NDUFA5: variants seen among roughly 807,000 people sequenced by gnomAD.
The protein encoded by NDUFA5 is NADH dehydrogenase [ubiquinone] 1 alpha subcomplex subunit 5.
In NDUFA5, 11 loss-of-function variants were observed where a neutral mutation model predicts 19.8. That is an observed-to-expected ratio of 0.56 (90% CI 0.35 to 0.92). The LOEUF is 0.92. NDUFA5 is among the 40% of genes least tolerant of loss of function. The pLI is 0.01. For synonymous variants in NDUFA5, 47 were observed against 46.8 expected (o/e 1.00, Z -0.01); for missense variants, 109 against 134.2 (o/e 0.81, Z 0.93).
chr7:123,587,657 A>G, the NDUFA5 span, among the ~76,000 whole-genome samples: 3,284 of 151,678 alleles, frequency 0.022, 48 homozygotes, highest in Non-Finnish European at 0.034. Context: ...TTTCACCTGT[A>G]TGTTCACTGT....
the NDUFA5 span, among the ~76,000 whole-genome samples, chr7:123,564,892 GACAC>G: frequency 5.6e-4 from 83 of 147,680 alleles, no homozygotes; most frequent in East Asian, 1.6e-3. Context: ...GAAGCATCTG[GACAC>G]ACACACACAC....
the NDUFA5 span, among the ~76,000 whole-genome samples, chr7:123,591,416 G>A: frequency 6.6e-6 from 1 of 152,098 alleles, no homozygotes; most frequent in South Asian, 2.1e-4. Flanking sequence ...TGCCCACTTA[G>A]TAACATATTG....
At chr7:123,564,941 A>T in the NDUFA5 span, among the ~76,000 whole-genome samples, 10 of 151,782 alleles carry the variant, frequency 6.6e-5, no homozygotes, top group Non-Finnish European at 1.2e-4. Flanking sequence ...ACATACACAC[A>T]CAAGTACATA....
chr7:123,596,930 G>A, the NDUFA5 span, among the ~76,000 whole-genome samples: 12 of 152,082 alleles, frequency 7.9e-5, no homozygotes, highest in Non-Finnish European at 1.5e-4. Flanking sequence ...ATTATAATTA[G>A]GCTTGGTTTA....
chr7:123,547,930 C>T (rs1353972309), intron 3 of NDUFA5, among the ~76,000 whole-genome samples: 1 of 151,870 alleles, frequency 6.6e-6, no homozygotes, highest in Non-Finnish European at 1.5e-5. Flanking sequence ...AAAAAGTGTT[C>T]GAGGTGGGTA....
At chr7:123,576,651 A>C in the NDUFA5 span, among the ~76,000 whole-genome samples, 1 of 152,124 alleles carries the variant, frequency 6.6e-6, no homozygotes, top group African/African-American at 2.4e-5. Flanking sequence ...AGATCCAAGA[A>C]GACTTGTACC....
chr7:123,576,847 A>G, the NDUFA5 span, among the ~76,000 whole-genome samples: 3 of 152,170 alleles, frequency 2.0e-5, no homozygotes, highest in Admixed American at 6.6e-5. Context: ...CATTTCTTGC[A>G]GGGTCTGCTG....
chr7:123,538,010 C>T lies in NDUFA5; in HGVS notation c.*4109G>A, dbSNP rs1056702069. The T allele has an allele frequency of 2.0e-5, 3 of 152,086 alleles. No individual in the cohort carries two copies. The highest frequency in any genetic ancestry group is 7.2e-5 in the African/African-American group (3 of 41,414). The allele number at this position is 152,086 out of a possible 1,614,324, so 9.4% of individuals were successfully genotyped here. A position where few individuals can be genotyped will look rare whatever the true frequency, so the allele number is the denominator to read the frequency against. ...TTAGCTGCTAATGTAAACCTAAAGA[C>T]CAATTTGAAAATTATTAGTGATGCA... On this transcript the variant is annotated 3_prime_UTR_variant, in exon 5 of 5. Transcript: ENST00000355749.
chr7:123,569,214 G>A, the NDUFA5 span, among the ~76,000 whole-genome samples: 3 of 152,096 alleles, frequency 2.0e-5, no homozygotes, highest in Non-Finnish European at 4.4e-5. Flanking sequence ...AGAGACAGAC[G>A]TAAATGGCAA....
intron 2 of NDUFA5, among the ~76,000 whole-genome samples, chr7:123,553,629 G>A (rs1428488480): frequency 6.6e-6 from 1 of 152,154 alleles, no homozygotes; most frequent in Non-Finnish European, 1.5e-5. Context: ...ATAGAGCAAA[G>A]AGATATTATA....
rs1415479798 is a variant in NDUFA5 at position 123,546,782 on chromosome 7, TATTG to T, written c.184-1110_184-1107del. The T allele has an allele frequency of 3.3e-6, 3 of 907,584 alleles. No individual in the cohort carries two copies. In the South Asian group the frequency reaches 4.1e-5, roughly 12 times the overall value. The allele number at this position is 907,584 out of a possible 1,614,324, so 56.2% of individuals were successfully genotyped here. A position where few individuals can be genotyped will look rare whatever the true frequency, so the allele number is the denominator to read the frequency against. On this transcript the variant is annotated intron_variant, in intron 3 of 4. Coordinates refer to ENST00000355749, the MANE Select transcript of NDUFA5 (RefSeq NM_005000.5). The stretch of plus-strand genomic sequence containing the variant: ...AATCTTTGCTCAAATAACACCTTCT[TATTG>T]ATTAACTACTGATAATTTGCATTAT...
chr7:123,599,194 A>C, the NDUFA5 span, among the ~76,000 whole-genome samples: 2 of 152,322 alleles, frequency 1.3e-5, no homozygotes, highest in South Asian at 4.1e-4. Context: ...AGAGATATAC[A>C]TGGGTATTGC....
upstream of NDUFA5, among the ~76,000 whole-genome samples, chr7:123,560,687 C>A (rs1589877): frequency 1.8e-4 from 27 of 152,190 alleles, no homozygotes; most frequent in Middle Eastern, 6.8e-3. Context: ...ATATTTACCT[C>A]TTTTCGTGTG....
the NDUFA5 span, among the ~76,000 whole-genome samples, chr7:123,568,079 G>A: frequency 3.9e-5 from 6 of 152,118 alleles, no homozygotes; most frequent in Non-Finnish European, 7.4e-5. Flanking sequence ...AAATAAAAGC[G>A]CCATTACCCA....
chr7:123,558,979 G>C (rs769584331), upstream of NDUFA5, among the ~76,000 whole-genome samples: 1 of 151,866 alleles, frequency 6.6e-6, no homozygotes, highest in Non-Finnish European at 1.5e-5. Flanking sequence ...AAATATTAAA[G>C]ATTAGAAAAG....
chr7:123,585,545 G>T, the NDUFA5 span, among the ~76,000 whole-genome samples: 95 of 151,778 alleles, frequency 6.3e-4, no homozygotes, highest in African/African-American at 2.2e-3. Flanking sequence ...ACATAATGCT[G>T]CAATGTGATT....
At chr7:123,590,465 TAA>T in the NDUFA5 span, among the ~76,000 whole-genome samples, 10 of 152,234 alleles carry the variant, frequency 6.6e-5, no homozygotes, top group African/African-American at 2.4e-4. Context: ...GTCTTACATT[TAA>T]GTCTTTAATC....
At chr7:123,600,785 A>G in the NDUFA5 span, among the ~76,000 whole-genome samples, 1 of 152,164 alleles carries the variant, frequency 6.6e-6, no homozygotes, top group Non-Finnish European at 1.5e-5. Context: ...TCAATTTTTG[A>G]AATAAAACTG....
the NDUFA5 span, among the ~76,000 whole-genome samples, chr7:123,579,567 G>T: frequency 6.6e-6 from 1 of 151,966 alleles, no homozygotes; most frequent in East Asian, 1.9e-4. Flanking sequence ...TAGCCTGAGG[G>T]CTTAATAGAT....
Sources: gnomAD v4.1 joint callset for allele counts (sites outside exome capture counted in the v4.1 genomes callset) on GRCh38, gnomAD v4.1.1 for gene constraint, MANE v1.5 for transcripts, NCBI Gene and HGNC (gene_info 2026-07-23, HGNC 2026-07-21) for gene names.